CMC2: variants seen among roughly 807,000 people sequenced by gnomAD.
CMC2 encodes the protein C-X9-C motif containing 2, also known as COX assembly mitochondrial protein 2 homolog.
A neutral mutation model predicts 7.5 loss-of-function variants in CMC2; 5 were observed. That is an observed-to-expected ratio of 0.66 (90% CI 0.35 to 1.40). The LOEUF (loss-of-function observed/expected upper bound fraction) is 1.40. Among genes scored for constraint, CMC2 ranks in the 40% most tolerant of loss-of-function variants. The probability of loss-of-function intolerance (pLI) is 0.04; values close to 1 mark genes in which losing one functional copy is unlikely to be tolerated. For missense variants in CMC2, 115 were observed against 92.3 expected, an observed-to-expected ratio of 1.25 and a Z score of -1.01; for synonymous variants, 37 against 31.4, an observed-to-expected ratio of 1.18 and a Z score of -0.60.
chr16:80,994,159 A>G (rs915126710), intron 2 of CMC2, among the ~76,000 whole-genome samples: 2 of 152,244 alleles, frequency 1.3e-5, no homozygotes, highest in African/African-American at 4.8e-5. Flanking sequence ...AAGAAAATCA[A>G]CTTCAACTCA....
chr16:80,978,476 A>G lies in CMC2; in HGVS notation c.154-2297T>C, dbSNP rs948727037. 1.2e-5 allele frequency: 11 copies of G among 907,218 alleles called. No individual in the cohort carries two copies. The African/African-American group carries it at 1.7e-4, about 14-fold the overall frequency. 56.2% of individuals were successfully genotyped at this position (907,218 alleles called of 1,614,324 possible). A position where few individuals can be genotyped will look rare whatever the true frequency, so the allele number is the denominator to read the frequency against. On this transcript the variant is annotated intron_variant, in intron 3 of 3. Coordinates refer to ENST00000219400, the MANE Select transcript of CMC2 (RefSeq NM_020188.5). Reference sequence around the variant, plus strand: ...TACTCACAAAACTCAATCAAACAATACAGACAGAATGAAAGGCCAATTAAC... The same window carrying G: ...TACTCACAAAACTCAATCAAACAATGCAGACAGAATGAAAGGCCAATTAAC...
At chr16:80,983,773 G>C (rs554157056) in intron 2 of CMC2, 1 of 152,448 alleles carries the variant, frequency 6.6e-6, no homozygotes, top group African/African-American at 2.4e-5. Context: ...CCTCAGGTCA[G>C]GAGCTTGAGA....
At chr16:80,980,818 T>C (rs1237459642) in intron 3 of CMC2, 1 of 700,004 alleles carries the variant, frequency 1.4e-6, no homozygotes, top group Admixed American at 2.0e-5. Context: ...TCACTTGAGT[T>C]TGAGGCTTCC....
intron 2 of CMC2, among the ~76,000 whole-genome samples, chr16:80,990,982 C>T (rs560503498): frequency 4.2e-4 from 63 of 151,206 alleles, no homozygotes; most frequent in Non-Finnish European, 8.7e-4. Context: ...CCGCCTCAGA[C>T]TCCCAAAGTG....
At chr16:80,995,142 T>C (rs1382659985) in intron 2 of CMC2, among the ~76,000 whole-genome samples, 1 of 152,028 alleles carries the variant, frequency 6.6e-6, no homozygotes, top group African/African-American at 2.4e-5. Flanking sequence ...CGAGACTCTG[T>C]CTCAAAAACA....
intron 1 of CMC2, among the ~76,000 whole-genome samples, chr16:81,004,371 G>C (rs1969087259): frequency 6.6e-6 from 1 of 152,206 alleles, no homozygotes; most frequent in African/African-American, 2.4e-5. Context: ...TTTAATTCCA[G>C]TGCAGACCCC....
At position 80,971,564 on chromosome 16, in the gene CMC2, T is replaced by TATATATATATATATATATATA. The variant is rs1555512300; in HGVS notation, c.*4528_*4529insTATATATATATATATATATAT. 231 of 121,180 alleles carry TATATATATATATATATATATA rather than the reference T, an allele frequency of 1.9e-3. 5 individuals are homozygous for TATATATATATATATATATATA. Among genetic ancestry groups the TATATATATATATATATATATA allele is most frequent in the African/African-American group, 8.4e-3 (216 of 25,700 alleles). 7.5% of individuals were successfully genotyped at this position (121,180 alleles called of 1,614,324 possible). On this transcript the variant is annotated 3_prime_UTR_variant, in exon 4 of 4. Transcript: ENST00000219400. ...CTATGGATACTGACATACATACATT[T>TATATATATATATATATATATA]TATATATATATATATATATATGTAT...
chr16:81,001,499 A>C (rs1185708729), intron 1 of CMC2, among the ~76,000 whole-genome samples: 1 of 152,202 alleles, frequency 6.6e-6, no homozygotes, highest in African/African-American at 2.4e-5. Flanking sequence ...GTTACTGTTT[A>C]ACAAGCAGTT....
At chr16:80,985,378 T>C (rs2549828) in intron 2 of CMC2, among the ~76,000 whole-genome samples, 98,885 of 152,060 alleles carry the variant, frequency 0.65, 33,947 homozygotes, top group South Asian at 0.8. Flanking sequence ...AATTCAGGTA[T>C]ATTTTATTAA....
rs1419970782 is a variant in CMC2 at position 80,973,538 on chromosome 16, C to G, written c.*2555G>C. The G allele has an allele frequency of 6.6e-6, 1 of 152,176 alleles. No homozygotes were observed. Among genetic ancestry groups the G allele is most frequent in the Non-Finnish European group, 1.5e-5 (1 of 68,024 alleles). The allele number at this position is 152,176 out of a possible 1,614,324, so 9.4% of individuals were successfully genotyped here. A position where few individuals can be genotyped will look rare whatever the true frequency, so the allele number is the denominator to read the frequency against. The stretch of plus-strand genomic sequence containing the variant: ...CTATTCACCGAATAACCAGAAAGAT[C>G]TTTATAAAATATAAATAAATGAAAT... On this transcript the variant is annotated 3_prime_UTR_variant, in exon 4 of 4. Transcript: ENST00000219400.
rs145059199 is a variant in CMC2, at chr16:80,987,618, T to C, written c.82-5741A>G. On this transcript the variant is annotated intron_variant, in intron 2 of 3. Transcript: ENST00000219400. ...AGATCAGAAGCCACCCACAGACACC[T>C]GAAAGCTGTGGAAATAACACTTGCC... Among the ~76,000 whole-genome samples the C allele has an allele frequency of 3.4e-3, 523 of 152,184 alleles. 5 individuals carry two copies. The highest frequency in any genetic ancestry group is 0.012 in the African/African-American group (485 of 41,498).
At chr16:80,999,894 T>C (rs979165164) in intron 1 of CMC2, among the ~76,000 whole-genome samples, 3 of 152,154 alleles carry the variant, frequency 2.0e-5, no homozygotes, top group Non-Finnish European at 4.4e-5. Context: ...TATACAAAAA[T>C]TAACTCTAGA....
At chr16:81,005,736 G>C (rs1292842034) in intron 1 of CMC2, among the ~76,000 whole-genome samples, 1 of 152,190 alleles carries the variant, frequency 6.6e-6, no homozygotes, top group Admixed American at 6.5e-5. Flanking sequence ...GTTTCTCAGA[G>C]AATGCGCCCT....
intron 2 of CMC2, among the ~76,000 whole-genome samples, chr16:80,986,394 A>G (rs2549831): frequency 0.81 from 122,279 of 150,908 alleles, 49,580 homozygotes; most frequent in South Asian, 0.93. Context: ...CCTAACAGCT[A>G]CAGTGAGCTG....
At chr16:80,996,891 T>G (rs886580338) in intron 2 of CMC2, 3 of 313,898 alleles carry the variant, frequency 9.6e-6, no homozygotes, top group African/African-American at 6.6e-5. Flanking sequence ...TAAATCTAGT[T>G]AATGTCTAAT....
chr16:80,975,290 A>G lies in CMC2; in HGVS notation c.*803T>C, dbSNP rs903657507. Reference sequence around the variant, plus strand: ...CTGCTAAGACTCAATTCCTAACCAGATGAAATTTTATCAATGTTAAGTGTA... The same window carrying G: ...CTGCTAAGACTCAATTCCTAACCAGGTGAAATTTTATCAATGTTAAGTGTA... On this transcript the variant is annotated 3_prime_UTR_variant, in exon 4 of 4. Transcript: ENST00000219400. 1 of 152,256 alleles carries G rather than the reference A, an allele frequency of 6.6e-6. No homozygotes were observed. The highest frequency in any genetic ancestry group is 2.4e-5 in the African/African-American group (1 of 41,462). The allele number at this position is 152,256 out of a possible 1,614,324, so 9.4% of individuals were successfully genotyped here. A position where few individuals can be genotyped will look rare whatever the true frequency, so the allele number is the denominator to read the frequency against.
chr16:80,991,296 TC>T (rs1273454995), intron 2 of CMC2, among the ~76,000 whole-genome samples: 1 of 152,054 alleles, frequency 6.6e-6, no homozygotes, highest in East Asian at 1.9e-4. Flanking sequence ...CACAGTGACT[TC>T]CTTCCAAAGA....
At chr16:80,993,679 A>C (rs1045892519) in intron 2 of CMC2, among the ~76,000 whole-genome samples, 1 of 116,880 alleles carries the variant, frequency 8.6e-6, no homozygotes, top group South Asian at 3.7e-4. Flanking sequence ...CTAATTTAGT[A>C]ATTGGGCTAA....
rs2151600514 is a variant in CMC2 at position 80,968,070 on chromosome 16, T to TGG, written c.*8022_*8023insCC. The TGG allele has an allele frequency of 6.6e-6, 1 of 152,326 alleles. No individual in the cohort carries two copies. The highest frequency in any genetic ancestry group is 1.5e-5 in the Non-Finnish European group (1 of 68,024). 9.4% of individuals were successfully genotyped at this position (152,326 alleles called of 1,614,324 possible). A position where few individuals can be genotyped will look rare whatever the true frequency, so the allele number is the denominator to read the frequency against. ...GATGACAAGAGTGGATGAAGGTCAT[T>TGG]AACCCTAAAGAAGTAGGCATTTTAT... On this transcript the variant is annotated 3_prime_UTR_variant, in exon 4 of 4. Transcript: ENST00000219400.
Sources: allele counts gnomAD v4.1 joint callset (sites outside exome capture counted in the v4.1 genomes callset), GRCh38; gene constraint gnomAD v4.1.1; transcripts MANE v1.5; gene names NCBI Gene and HGNC (gene_info 2026-07-23, HGNC 2026-07-21).